Variants in PCDH11Y observed in about 807,000 individuals in gnomAD.
PCDH11Y encodes protocadherin 11 Y-linked, also known as protocadherin-11 Y-linked.
For missense variants in PCDH11Y, 12 were observed against 224.8 expected (o/e 0.05, Z 6.05); for synonymous variants, 9 against 83.6 (o/e 0.11, Z 4.87).
chrY:5,154,658 G>A (rs2052867773), intron 2 of PCDH11Y, among the ~76,000 whole-genome samples: 13 of 31,368 alleles, frequency 4.1e-4, no homozygotes, highest in Non-Finnish European at 2.3e-4. Flanking sequence ...TGTTGTGTGC[G>A]TGTGTGTGTA....
At chrY:5,278,323 G>T in intron 2 of PCDH11Y, among the ~76,000 whole-genome samples, 1 of 31,351 alleles carries the variant, frequency 3.2e-5, no homozygotes, top group African/African-American at 1.3e-4. Context: ...GCTAATTTTT[G>T]TATTTTTAGT....
intron 1 of PCDH11Y, among the ~76,000 whole-genome samples, chrY:5,006,339 T>C: frequency 3.3e-5 from 1 of 30,052 alleles, no homozygotes; most frequent in Non-Finnish European, 8.0e-5. Context: ...CACAGGATTT[T>C]AAAGCCTGTG....
intron 2 of PCDH11Y, among the ~76,000 whole-genome samples, chrY:5,288,145 G>A (rs1210070026): frequency 4.0e-4 from 13 of 32,559 alleles, no homozygotes; most frequent in Non-Finnish European, 9.0e-4. Context: ...TATTTCTGTC[G>A]TTTTAGCCAT....
chrY:5,579,779 T>C, intron 3 of PCDH11Y, among the ~76,000 whole-genome samples: 1 of 32,288 alleles, frequency 3.1e-5, no homozygotes, highest in East Asian at 8.0e-4. Flanking sequence ...TTGGGCAGTG[T>C]TGATGCTTTA....
chrY:5,224,871 C>T (rs2052958159), intron 2 of PCDH11Y, among the ~76,000 whole-genome samples: 3 of 32,754 alleles, frequency 9.2e-5, no homozygotes, highest in Non-Finnish European at 1.5e-4. Context: ...TCTGGTTAAC[C>T]GAAGTATTAC....
intron 2 of PCDH11Y, among the ~76,000 whole-genome samples, chrY:5,327,732 A>G: frequency 3.1e-5 from 1 of 32,404 alleles, no homozygotes; most frequent in South Asian, 6.9e-4. Flanking sequence ...ATAGTCAGGG[A>G]AGCACATAAT....
At chrY:5,107,568 C>A (rs370464082), downstream of PCDH11Y, among the ~76,000 whole-genome samples, 1 of 33,125 alleles carries the variant, frequency 3.0e-5, no homozygotes, top group African/African-American at 1.2e-4. Flanking sequence ...TTAGTTGATT[C>A]CTTATCAGTT....
chrY:5,193,657 G>T, intron 2 of PCDH11Y, among the ~76,000 whole-genome samples: 1 of 32,996 alleles, frequency 3.0e-5, no homozygotes, highest in Non-Finnish European at 7.5e-5. Flanking sequence ...AATATAAACA[G>T]AAAAGATGTG....
At chrY:5,740,455 T>TA (rs2053616215) in exon 5 of PCDH11Y, 2 of 32,415 alleles carry the variant, frequency 6.2e-5, no homozygotes. Flanking sequence ...AGATTGTGTT[T>TA]AGAATATTAA....
At chrY:5,545,683 A>G in intron 3 of PCDH11Y, among the ~76,000 whole-genome samples, 2 of 32,517 alleles carry the variant, frequency 6.2e-5, no homozygotes, top group Admixed American at 5.7e-4. Flanking sequence ...AGAGTTTCAT[A>G]TCAAGTAGGA....
At chrY:5,446,377 T>A in intron 2 of PCDH11Y, among the ~76,000 whole-genome samples, 5 of 33,999 alleles carry the variant, frequency 1.5e-4, no homozygotes. Flanking sequence ...ATAAGAAAAT[T>A]TAAGAAAGCA....
intron 2 of PCDH11Y, among the ~76,000 whole-genome samples, chrY:5,349,390 T>G: frequency 1.2e-4 from 4 of 33,526 alleles, no homozygotes; most frequent in African/African-American, 2.3e-4. Context: ...TGAACATTTC[T>G]GTCCCTGGGA....
At chrY:5,515,724 A>G in intron 3 of PCDH11Y, among the ~76,000 whole-genome samples, 2 of 33,320 alleles carry the variant, frequency 6.0e-5, no homozygotes, top group Non-Finnish European at 7.4e-5. Context: ...AAAAACAGGC[A>G]CATAGACCAG....
chrY:5,045,903 T>G (rs2052635961), intron 3 of PCDH11Y, among the ~76,000 whole-genome samples: 1 of 33,586 alleles, frequency 3.0e-5, no homozygotes, highest in Admixed American at 2.7e-4. Context: ...GTTGATCGCA[T>G]CAGCTCCTGA....
At chrY:5,436,832 AAC>A (rs2053275909) in intron 2 of PCDH11Y, among the ~76,000 whole-genome samples, 1 of 33,325 alleles carries the variant, frequency 3.0e-5, no homozygotes, top group African/African-American at 1.2e-4. Context: ...CGCTCTTATC[AAC>A]ACTCATAAAG....
intron 3 of PCDH11Y, among the ~76,000 whole-genome samples, chrY:5,534,739 C>T (rs1264553303): frequency 1.2e-3 from 40 of 33,411 alleles, no homozygotes; most frequent in Non-Finnish European, 2.7e-3. Flanking sequence ...CTGGGTCAAA[C>T]GGTAATTCTA....
intron 2 of PCDH11Y, among the ~76,000 whole-genome samples, chrY:5,167,517 TTGTGTGTG>T (rs56931360): frequency 1.4e-4 from 2 of 14,289 alleles, no homozygotes; most frequent in Admixed American, 6.0e-4. Context: ...ATCTCTTGGA[TTGTGTGTG>T]TGTGTGTGTG....
intron 2 of PCDH11Y, chrY:5,337,695 A>G: frequency 3.2e-6 from 1 of 314,277 alleles, no homozygotes; most frequent in Non-Finnish European, 4.3e-6. Flanking sequence ...GCTGCTCCTC[A>G]GCACCCCCGA....
intron 2 of PCDH11Y, among the ~76,000 whole-genome samples, chrY:5,285,988 T>C (rs2124661262): frequency 8.8e-5 from 3 of 33,937 alleles, no homozygotes; most frequent in Non-Finnish European, 2.2e-4. Context: ...AGAGCCTATG[T>C]GCAGAATTGT....
Sources: gnomAD v4.1 joint callset for allele counts (sites outside exome capture counted in the v4.1 genomes callset) on GRCh38, gnomAD v4.1.1 for gene constraint, MANE v1.5 for transcripts, NCBI Gene and HGNC (gene_info 2026-07-23, HGNC 2026-07-21) for gene names.